The following NELL1 variants were observed in gnomAD, a reference collection of about 807,000 sequenced individuals.
The protein encoded by NELL1 is protein kinase C-binding protein NELL1.
Under a neutral mutation model 107.4 loss-of-function variants are expected in NELL1, and 76 were observed. The ratio of observed to expected loss-of-function variants is 0.71; its 90% confidence interval spans 0.59 to 0.86. The LOEUF is 0.86. Among genes scored for constraint, NELL1 ranks in the 40% least tolerant of loss-of-function variants. The pLI is 0.00. For synonymous variants in NELL1, 353 were observed against 341.2 expected (o/e 1.03, Z -0.38); for missense variants, 1,024 against 1,005.5 (o/e 1.02, Z -0.25).
At chr11:21,473,586 A>C (rs1015346025) in intron 15 of NELL1, among the ~76,000 whole-genome samples, 1 of 152,114 alleles carries the variant, frequency 6.6e-6, no homozygotes, top group East Asian at 1.9e-4. Flanking sequence ...GGATACTTCA[A>C]ATATTCCCTC....
chr11:21,270,421 A>C (rs1848716885), intron 14 of NELL1, among the ~76,000 whole-genome samples: 1 of 152,122 alleles, frequency 6.6e-6, no homozygotes, highest in African/African-American at 2.4e-5. Context: ...AAGCAAGAAA[A>C]ATTATCAGGG....
rs137927337 is a variant in NELL1, at chr11:21,313,018, A to G, written c.1550-57835A>G. ...TTGAACCTGAGAGGAAGAGATTGCAATGAGCCAAGATCATGCCACTGCACT... is the reference window on the plus strand; with the variant it reads ...TTGAACCTGAGAGGAAGAGATTGCAGTGAGCCAAGATCATGCCACTGCACT... On this transcript the variant is annotated intron_variant, in intron 14 of 19. Coordinates refer to ENST00000357134, the MANE Select transcript of NELL1 (RefSeq NM_006157.5). Among the ~76,000 whole-genome samples, 1,361 of 151,796 alleles carry G rather than the reference A, an allele frequency of 9.0e-3. 24 individuals carry two copies. The highest frequency in any genetic ancestry group is 0.031 in the African/African-American group (1,294 of 41,382).
chr11:20,899,272 G>T (rs1461589834), intron 5 of NELL1, among the ~76,000 whole-genome samples: 1 of 152,006 alleles, frequency 6.6e-6, no homozygotes, highest in African/African-American at 2.4e-5. Flanking sequence ...TACAAAAAAT[G>T]ATACATAGAC....
intron 13 of NELL1, among the ~76,000 whole-genome samples, chr11:21,124,256 C>T (rs1185117109): frequency 6.6e-6 from 1 of 151,934 alleles, no homozygotes; most frequent in Admixed American, 6.6e-5. Context: ...TTTTTTCCCC[C>T]CGAAGTCTCC....
intron 12 of NELL1, among the ~76,000 whole-genome samples, chr11:21,045,220 A>T (rs567242494): frequency 3.9e-5 from 6 of 152,174 alleles, no homozygotes; most frequent in Admixed American, 3.3e-4. Flanking sequence ...CCTAAGAGAT[A>T]GTATTTTGAA....
chr11:21,022,201 T>C (rs1443963914), intron 12 of NELL1, among the ~76,000 whole-genome samples: 1 of 152,102 alleles, frequency 6.6e-6, no homozygotes, highest in East Asian at 1.9e-4. Context: ...AACCCTAAAA[T>C]TGTATGCTGG....
intron 12 of NELL1, among the ~76,000 whole-genome samples, chr11:20,997,259 C>T (rs1184774698): frequency 5.3e-5 from 8 of 152,076 alleles, no homozygotes. Flanking sequence ...TTCCTATCAC[C>T]ATGTCAGTAG....
intron 5 of NELL1, among the ~76,000 whole-genome samples, chr11:20,903,655 T>C (rs2134135717): frequency 6.6e-6 from 1 of 152,250 alleles, no homozygotes; most frequent in East Asian, 1.9e-4. Flanking sequence ...AGTGACTTTT[T>C]AGATTAGTTG....
chr11:21,436,648 A>G (rs895869591), intron 15 of NELL1, among the ~76,000 whole-genome samples: 4 of 151,638 alleles, frequency 2.6e-5, no homozygotes, highest in African/African-American at 9.7e-5. Flanking sequence ...TTCTGCTCTG[A>G]TATTCATTAT....
chr11:21,480,074 G>A (rs577090958), intron 15 of NELL1, among the ~76,000 whole-genome samples: 33 of 152,132 alleles, frequency 2.2e-4, no homozygotes, highest in Admixed American at 2.0e-3. Flanking sequence ...CAATATAATT[G>A]ATCTGAAAAC....
chr11:21,461,858 T>C (rs1160392691), intron 15 of NELL1, among the ~76,000 whole-genome samples: 1 of 151,962 alleles, frequency 6.6e-6, no homozygotes, highest in East Asian at 1.9e-4. Context: ...AAATGGAAAG[T>C]AAAGACCTGG....
chr11:21,374,025 A>G (rs1015121446), intron 15 of NELL1, among the ~76,000 whole-genome samples: 2 of 152,120 alleles, frequency 1.3e-5, no homozygotes, highest in African/African-American at 4.8e-5. Context: ...ACAAAACAGC[A>G]TGAAACAACA....
chr11:20,745,589 T>C (rs979351737), intron 2 of NELL1, among the ~76,000 whole-genome samples: 1 of 152,196 alleles, frequency 6.6e-6, no homozygotes, highest in African/African-American at 2.4e-5. Context: ...CAAATTACAG[T>C]AACCTACTTA....
chr11:21,270,214 G>T (rs922810119), intron 14 of NELL1, among the ~76,000 whole-genome samples: 1 of 151,896 alleles, frequency 6.6e-6, no homozygotes, highest in African/African-American at 2.4e-5. Context: ...AACAATCAGT[G>T]GTCTAAATAT....
At chr11:21,332,158 G>C (rs562598260) in intron 14 of NELL1, among the ~76,000 whole-genome samples, 1 of 151,938 alleles carries the variant, frequency 6.6e-6, no homozygotes, top group Non-Finnish European at 1.5e-5. Context: ...GCTTCCATAC[G>C]TTCTTGTCAT....
chr11:20,974,495 G>C (rs1054260979), intron 12 of NELL1, among the ~76,000 whole-genome samples: 10 of 151,478 alleles, frequency 6.6e-5, no homozygotes, highest in African/African-American at 2.4e-4. Context: ...TTTTCCCCAG[G>C]ATACATTTGG....
Position 21,040,402 on chromosome 11 carries a change from TATTA to T in NELL1, c.1301-73181_1301-73178del, listed in dbSNP as rs1470290601. Among the ~76,000 whole-genome samples, 10 of 152,296 alleles carry T rather than the reference TATTA, an allele frequency of 6.6e-5. No individual in the cohort carries two copies. In the South Asian group the frequency reaches 1.2e-3, roughly 19 times the overall value. ...TGTTTACATTTTGAGGAAATTGCTGTATTAATTAAGTAGTTGTATGCAAATGTAT... is the reference window on the plus strand; with the variant it reads ...TGTTTACATTTTGAGGAAATTGCTGTATTAAGTAGTTGTATGCAAATGTAT... On this transcript the variant is annotated intron_variant, in intron 12 of 19. Transcript: ENST00000357134.
At chr11:21,434,247 T>G (rs961173144) in intron 15 of NELL1, among the ~76,000 whole-genome samples, 3 of 152,214 alleles carry the variant, frequency 2.0e-5, no homozygotes, top group Non-Finnish European at 4.4e-5. Flanking sequence ...TCTAAAATCT[T>G]ACCCATAAAA....
intron 15 of NELL1, among the ~76,000 whole-genome samples, chr11:21,464,107 G>A (rs1443002346): frequency 2.0e-5 from 3 of 151,992 alleles, no homozygotes; most frequent in Non-Finnish European, 4.4e-5. Flanking sequence ...TGGAAGCTGT[G>A]TGGCCTTTAT....
Sources: gnomAD v4.1 joint callset for allele counts (sites outside exome capture counted in the v4.1 genomes callset) on GRCh38, gnomAD v4.1.1 for gene constraint, MANE v1.5 for transcripts, NCBI Gene and HGNC (gene_info 2026-07-23, HGNC 2026-07-21) for gene names.